Variants in GSAP observed in about 807,000 individuals in gnomAD.
The protein encoded by GSAP is gamma-secretase-activating protein.
Under a neutral mutation model 131.7 loss-of-function variants are expected in GSAP, and 118 were observed. That is an observed-to-expected ratio of 0.90 (90% confidence interval 0.77 to 1.04). GSAP has a LOEUF of 1.04. GSAP is among the 50% of genes least tolerant of loss of function. The pLI, the probability that GSAP is intolerant of heterozygous loss-of-function variation, is 0.00. For missense variants in GSAP, 1,019 were observed against 1,013.2 expected (o/e 1.01, Z -0.08); for synonymous variants, 381 against 363.4 (o/e 1.05, Z -0.55).
intron 6 of GSAP, among the ~76,000 whole-genome samples, chr7:77,384,763 C>G (rs926335150): frequency 2.6e-5 from 4 of 151,946 alleles, no homozygotes; most frequent in Admixed American, 2.6e-4. Context: ...TGGAGATCAC[C>G]ATGGATGTTT....
At chr7:77,314,043 T>C (rs1262879081) in intron 27 of GSAP, among the ~76,000 whole-genome samples, 6 of 152,150 alleles carry the variant, frequency 3.9e-5, no homozygotes, top group Non-Finnish European at 8.8e-5. Context: ...AAAAGGAATC[T>C]AATAGTTGTA....
intron 19 of GSAP, among the ~76,000 whole-genome samples, chr7:77,342,043 A>G (rs955682075): frequency 1.7e-4 from 26 of 152,034 alleles, no homozygotes; most frequent in African/African-American, 6.0e-4. Context: ...TGTCCCATCT[A>G]TGCGGGACCC....
chr7:77,416,151 C>T, intron 1 of GSAP, 62 bp downstream of exon 1: 4 of 989,290 alleles, frequency 4.0e-6, no homozygotes, highest in East Asian at 6.6e-5. Flanking sequence ...GGTCGGAGTC[C>T]GGGGGGTATG....
intron 12 of GSAP, among the ~76,000 whole-genome samples, chr7:77,370,865 T>G (rs1441164178): frequency 6.6e-6 from 1 of 152,160 alleles, no homozygotes; most frequent in Non-Finnish European, 1.5e-5. Context: ...ATTCAGTCAT[T>G]TCTTTGTGAA....
intron 5 of GSAP, among the ~76,000 whole-genome samples, chr7:77,387,735 T>C (rs988717712): frequency 7.9e-5 from 12 of 152,246 alleles, no homozygotes; most frequent in Admixed American, 6.5e-4. Flanking sequence ...CTGCATTTTA[T>C]TATGAAAACC....
chr7:77,406,439 C>T (rs1290342596), intron 1 of GSAP, among the ~76,000 whole-genome samples: 1 of 152,156 alleles, frequency 6.6e-6, no homozygotes, highest in East Asian at 1.9e-4. Context: ...TTTCAAGTAT[C>T]TATTAGTTTT....
intron 3 of GSAP, among the ~76,000 whole-genome samples, chr7:77,399,518 T>C (rs188721020): frequency 6.6e-6 from 1 of 152,348 alleles, no homozygotes; most frequent in African/African-American, 2.4e-5. Flanking sequence ...TTCACTCTTG[T>C]ATGCACTACC....
chr7:77,344,487 GC>G, intron 19 of GSAP, among the ~76,000 whole-genome samples: 1 of 152,234 alleles, frequency 6.6e-6, no homozygotes, highest in Middle Eastern at 3.4e-3. Flanking sequence ...CCAGACACCA[GC>G]CCAACTTGGA....
intron 30 of GSAP, 168 bp downstream of exon 30, chr7:77,311,673 G>C (rs2150572435): frequency 1.7e-6 from 1 of 588,928 alleles, no homozygotes; most frequent in East Asian, 2.8e-5. Flanking sequence ...TGATTATTTG[G>C]TAATTTACTC....
rs746557678 is a variant in GSAP at position 77,321,335 on chromosome 7, G to C, written c.1992C>G (p.His664Gln). 1.3e-6 allele frequency: 2 copies of C among 1,577,310 alleles called. No homozygotes were observed. Among genetic ancestry groups the C allele is most frequent in the South Asian group, 1.1e-5 (1 of 90,312 alleles). ...RKHNLHSWVL[H>Q]FNSRGSAAEF... Reference sequence around the variant, plus strand: ...AAAAGTGAGAAATACTTGCGTACAAGTGGAGAACCCAGGAATGAAGATTAT... The same window carrying C: ...AAAAGTGAGAAATACTTGCGTACAACTGGAGAACCCAGGAATGAAGATTAT... Residue 664 changes from histidine (H) to glutamine (Q), a missense_variant and splice_region_variant, in exon 25 of 31, where the codon CAC (histidine) becomes CAG (glutamine). By Grantham distance (24) the His-to-Gln change is conservative. Coordinates refer to ENST00000257626, the MANE Select transcript of GSAP (RefSeq NM_017439.4).
intron 5 of GSAP, among the ~76,000 whole-genome samples, chr7:77,389,403 C>T (rs919646246): frequency 2.0e-5 from 3 of 151,452 alleles, no homozygotes; most frequent in African/African-American, 7.3e-5. Context: ...CGTCATTTAG[C>T]ATTAGGTATA....
At chr7:77,384,321 AATC>A (rs1192972351) in intron 6 of GSAP, among the ~76,000 whole-genome samples, 3 of 152,308 alleles carry the variant, frequency 2.0e-5, no homozygotes, top group African/African-American at 7.2e-5. Context: ...TTCCTGTGAC[AATC>A]AGGGAGAATG....
intron 25 of GSAP, 43 bp downstream of exon 25, chr7:77,321,290 C>T: frequency 8.1e-7 from 1 of 1,235,100 alleles, no homozygotes; most frequent in South Asian, 1.2e-5. Flanking sequence ...GAGTTGTTTC[C>T]ACTCTTTGTA....
chr7:77,353,447 T>G (rs1793195414), intron 17 of GSAP, 125 bp downstream of exon 17: 1 of 607,290 alleles, frequency 1.6e-6, no homozygotes, highest in African/African-American at 1.9e-5. Context: ...GAGTTTTGTT[T>G]TTTTTTTTTA....
At chr7:77,375,138 C>A (rs779140043) in intron 10 of GSAP, 37 bp from the exon 11 acceptor site, 1 of 1,303,090 alleles carries the variant, frequency 7.7e-7, no homozygotes, top group South Asian at 1.3e-5. Flanking sequence ...CCCAAAATGA[C>A]AGAAAGTGAT....
At chr7:77,373,105 G>C (rs1796378886) in intron 12 of GSAP, among the ~76,000 whole-genome samples, 1 of 152,130 alleles carries the variant, frequency 6.6e-6, no homozygotes, top group Non-Finnish European at 1.5e-5. Flanking sequence ...AGGATGGACT[G>C]GCTGAACTAG....
At chr7:77,416,157 G>A (rs1196767311) in intron 1 of GSAP, 56 bp downstream of exon 1, 5 of 1,046,246 alleles carry the variant, frequency 4.8e-6, no homozygotes, top group Non-Finnish European at 3.9e-6. Flanking sequence ...AGTCCGGGGG[G>A]TATGAGGGAC....
intron 22 of GSAP, chr7:77,327,431 C>G (rs1280337553): frequency 6.6e-6 from 1 of 152,332 alleles, no homozygotes; most frequent in African/African-American, 2.4e-5. Flanking sequence ...GATTGATGGC[C>G]TGGTAAGGCA....
At chr7:77,400,242 C>T (rs1583874834) in intron 3 of GSAP, among the ~76,000 whole-genome samples, 1 of 152,274 alleles carries the variant, frequency 6.6e-6, no homozygotes, top group Non-Finnish European at 1.5e-5. Flanking sequence ...GGTAAACAAG[C>T]TTTCCCCCAC....
Sources: gnomAD v4.1 joint callset for allele counts (sites outside exome capture counted in the v4.1 genomes callset) on GRCh38, gnomAD v4.1.1 for gene constraint, MANE v1.5 for transcripts, NCBI Gene and HGNC (gene_info 2026-07-23, HGNC 2026-07-21) for gene names.